Variants in AMBRA1 observed in about 807,000 individuals in gnomAD.
AMBRA1 encodes autophagy and beclin 1 regulator 1, also known as activating molecule in BECN1-regulated autophagy protein 1.
A neutral mutation model predicts 125.4 loss-of-function variants in AMBRA1; 47 were observed. The ratio of observed to expected loss-of-function variants is 0.37; its 90% CI spans 0.30 to 0.48. AMBRA1 has a LOEUF of 0.48. AMBRA1 is among the 20% of genes least tolerant of loss of function. AMBRA1 has a pLI of 0.99. For synonymous variants in AMBRA1, 626 were observed against 655.5 expected (o/e 0.95, Z 0.69); for missense variants, 1,331 against 1,693.4 (o/e 0.79, Z 3.76).
chr11:46,399,306 T>C (rs950275952), intron 17 of AMBRA1, among the ~76,000 whole-genome samples: 2 of 152,290 alleles, frequency 1.3e-5, no homozygotes, highest in East Asian at 3.9e-4. Flanking sequence ...ACTCCTGACC[T>C]CAGGTAATCT....
chr11:46,563,276 T>G (rs2043400134), intron 1 of AMBRA1, among the ~76,000 whole-genome samples: 1 of 152,072 alleles, frequency 6.6e-6, no homozygotes, highest in Admixed American at 6.6e-5. Context: ...CAGGCTGAAG[T>G]GTAGTGGCAG....
At chr11:46,587,263 C>T (rs1015090880) in intron 1 of AMBRA1, among the ~76,000 whole-genome samples, 1 of 151,986 alleles carries the variant, frequency 6.6e-6, no homozygotes, top group Non-Finnish European at 1.5e-5. Context: ...ACCTGTAGTC[C>T]CAGCTACTCG....
intron 11 of AMBRA1, among the ~76,000 whole-genome samples, chr11:46,465,827 A>T (rs566544183): frequency 1.3e-5 from 2 of 152,354 alleles, no homozygotes; most frequent in East Asian, 1.9e-4. Context: ...TCTTGCTTAA[A>T]CATTCACAGA....
chr11:46,483,662 G>A (rs902034015), intron 11 of AMBRA1, among the ~76,000 whole-genome samples: 14 of 152,216 alleles, frequency 9.2e-5, no homozygotes, highest in Admixed American at 5.9e-4. Flanking sequence ...CACTTTGGGA[G>A]ACCAAGGTGG....
chr11:46,545,168 G>GGC (rs1565278267), intron 5 of AMBRA1, among the ~76,000 whole-genome samples: 2 of 141,876 alleles, frequency 1.4e-5, no homozygotes, highest in African/African-American at 2.6e-5. Flanking sequence ...AGCCGGGGGG[G>GGC]GGGGGGTGGT....
rs895814616 is a variant in AMBRA1 at position 46,536,277 on chromosome 11, G to C, written c.2072+5668C>G. Among the ~76,000 whole-genome samples the C allele has an allele frequency of 2.0e-5, 3 of 152,112 alleles. No individual in the cohort carries two copies. In the East Asian group the frequency reaches 5.8e-4, roughly 29 times the overall value. ...TACAGACATGATCACTGCCTTCAGGGAGCTCACTGACGGAAAGGTAAACAA... is the reference window on the plus strand; with the variant it reads ...TACAGACATGATCACTGCCTTCAGGCAGCTCACTGACGGAAAGGTAAACAA... On this transcript the variant is annotated intron_variant, in intron 7 of 17. Transcript: ENST00000683756.
intron 7 of AMBRA1, among the ~76,000 whole-genome samples, chr11:46,541,169 G>A (rs1436638289): frequency 1.3e-5 from 2 of 152,102 alleles, no homozygotes; most frequent in East Asian, 3.8e-4. Flanking sequence ...AGATAGATGC[G>A]CACATAGCCA....
chr11:46,524,851 G>C (rs1016907090), intron 7 of AMBRA1, among the ~76,000 whole-genome samples: 1 of 152,236 alleles, frequency 6.6e-6, no homozygotes, highest in African/African-American at 2.4e-5. Context: ...ATAAACAGGG[G>C]TACCTGAGCC....
intron 11 of AMBRA1, among the ~76,000 whole-genome samples, chr11:46,456,424 G>A (rs1948847986): frequency 1.3e-5 from 2 of 152,210 alleles, no homozygotes; most frequent in African/African-American, 4.8e-5. Flanking sequence ...GGGTCCCTAG[G>A]TGAAGCCAGG....
At chr11:46,565,861 C>T (rs535396816) in intron 1 of AMBRA1, among the ~76,000 whole-genome samples, 1 of 152,132 alleles carries the variant, frequency 6.6e-6, no homozygotes, top group South Asian at 2.1e-4. Flanking sequence ...CACCCTCCAC[C>T]TCCCAGGCTC....
intron 7 of AMBRA1, among the ~76,000 whole-genome samples, chr11:46,541,177 C>T (rs1417711256): frequency 6.6e-6 from 1 of 152,188 alleles, no homozygotes; most frequent in East Asian, 1.9e-4. Context: ...GCGCACATAG[C>T]CATACATGGA....
intron 11 of AMBRA1, among the ~76,000 whole-genome samples, chr11:46,480,620 A>G (rs1414517676): frequency 6.6e-6 from 1 of 152,188 alleles, no homozygotes; most frequent in Non-Finnish European, 1.5e-5. Context: ...AAACAAAATA[A>G]TTCATTTTAT....
intron 1 of AMBRA1, among the ~76,000 whole-genome samples, chr11:46,564,812 G>T (rs2043465079): frequency 6.6e-6 from 1 of 152,178 alleles, no homozygotes; most frequent in Admixed American, 6.5e-5. Context: ...AGTGGGCTAT[G>T]AATATTAATT....
At position 46,542,749 on chromosome 11, in the gene AMBRA1, A is replaced by C; in HGVS notation, c.1268T>G (p.Val423Gly). 1 of 1,613,924 alleles carries C rather than the reference A, an allele frequency of 6.2e-7. No individual in the cohort carries two copies. Among genetic ancestry groups the C allele is most frequent in the Non-Finnish European group, 8.5e-7 (1 of 1,179,984 alleles). ...CTCAGAGCGGGAGTTCAGACTGAGT[A>C]CTGTCCGGGTCCACTCAGATCCTGT... ...GLTGSEWTRTVLSLNSRSEAE... is the reference protein window; with the variant it reads ...GLTGSEWTRTGLSLNSRSEAE... The change falls in exon 7 of 18, where the codon GTA becomes GGA. Residue 423 changes from valine (V) to glycine (G), a missense_variant. Val to Gly is a moderately radical substitution (Grantham distance 109, BLOSUM62 -3). Coordinates refer to ENST00000683756, the MANE Select transcript of AMBRA1 (RefSeq NM_001387011.1). The surrounding 1 kb of genome is among the most constrained non-coding windows in gnomAD (Gnocchi z 5.9).
chr11:46,479,036 A>T (rs1406542515), intron 11 of AMBRA1, among the ~76,000 whole-genome samples: 2 of 151,788 alleles, frequency 1.3e-5, no homozygotes, highest in Non-Finnish European at 2.9e-5. Context: ...CTGTCTCTAC[A>T]AAAAATACCA....
chr11:46,527,649 T>C (rs1350728644), intron 7 of AMBRA1, among the ~76,000 whole-genome samples: 1 of 152,082 alleles, frequency 6.6e-6, no homozygotes, highest in African/African-American at 2.4e-5. Context: ...AAGACTTGCA[T>C]GCACATTTCT....
chr11:46,493,401 G>C (rs910385168), intron 11 of AMBRA1, among the ~76,000 whole-genome samples: 15 of 152,196 alleles, frequency 9.9e-5, no homozygotes, highest in African/African-American at 3.4e-4. Flanking sequence ...TCTAGGGAAA[G>C]TGGGAATAGG....
chr11:46,493,822 G>C, intron 10 of AMBRA1, 114 bp from the exon 11 acceptor site: 2 of 774,050 alleles, frequency 2.6e-6, no homozygotes, highest in South Asian at 2.0e-5. Flanking sequence ...CAGATGCCCA[G>C]AAAGAAATAA....
intron 11 of AMBRA1, among the ~76,000 whole-genome samples, chr11:46,477,296 A>G (rs1186804625): frequency 6.6e-6 from 1 of 151,180 alleles, no homozygotes; most frequent in Non-Finnish European, 1.5e-5. Flanking sequence ...CATTAGGGAG[A>G]GTCTTTGTCT....
Sources: gnomAD v4.1 joint callset for allele counts (sites outside exome capture counted in the v4.1 genomes callset) on GRCh38, gnomAD v4.1.1 for gene constraint, Gnocchi (gnomAD v3.1) non-coding constraint, MANE v1.5 for transcripts, NCBI Gene and HGNC (gene_info 2026-07-23, HGNC 2026-07-21) for gene names.